The following CCDC178 variants were observed in gnomAD, a reference collection of about 807,000 sequenced individuals.
CCDC178 encodes the protein coiled-coil domain-containing protein 178.
In CCDC178, 126 loss-of-function variants were observed where a neutral mutation model predicts 117.4. That is an observed-to-expected ratio of 1.07 (90% CI 0.93 to 1.24). CCDC178 has a LOEUF of 1.24. Ranked by LOEUF, CCDC178 falls within the 50% of genes most tolerant of loss-of-function variation. The probability of loss-of-function intolerance (pLI) is 0.00; values close to 1 mark genes in which losing one functional copy is unlikely to be tolerated. For synonymous variants in CCDC178, 283 were observed against 313.4 expected (o/e 0.90, Z 1.02); for missense variants, 1,030 against 986.9 (o/e 1.04, Z -0.59).
At chr18:33,401,549 A>G (rs1297376071) in intron 3 of CCDC178, among the ~76,000 whole-genome samples, 1 of 152,162 alleles carries the variant, frequency 6.6e-6, no homozygotes, top group Non-Finnish European at 1.5e-5. Flanking sequence ...CATCAAAACC[A>G]CTCTATCAGT....
At chr18:33,061,671 C>T (rs2056923101) in intron 21 of CCDC178, among the ~76,000 whole-genome samples, 1 of 152,166 alleles carries the variant, frequency 6.6e-6, no homozygotes, top group South Asian at 2.1e-4. Flanking sequence ...TACATCTTCA[C>T]ACATTGGTTT....
intron 2 of CCDC178, among the ~76,000 whole-genome samples, chr18:33,432,166 G>A (rs1357834535): frequency 6.6e-6 from 1 of 152,174 alleles, no homozygotes; most frequent in Admixed American, 6.5e-5. Flanking sequence ...ACACATGGCA[G>A]GAGGGTTTGG....
chr18:33,245,546 T>C (rs2059540273), intron 14 of CCDC178, 118 bp from the exon 15 acceptor site: 2 of 1,091,842 alleles, frequency 1.8e-6, no homozygotes, highest in Non-Finnish European at 2.4e-6. Context: ...AATTGCTGGA[T>C]AATTAGCTAA....
intron 20 of CCDC178, among the ~76,000 whole-genome samples, chr18:33,139,600 C>T (rs1401318389): frequency 6.6e-6 from 1 of 152,038 alleles, no homozygotes; most frequent in Non-Finnish European, 1.5e-5. Context: ...ATTTGTGGAA[C>T]TTTGAACTTG....
chr18:33,281,195 T>A (rs9944978), intron 12 of CCDC178, among the ~76,000 whole-genome samples: 10,352 of 151,868 alleles, frequency 0.068, 542 homozygotes, highest in African/African-American at 0.14. Context: ...ATCAAACGTA[T>A]ACAAAATTAC....
intron 20 of CCDC178, among the ~76,000 whole-genome samples, chr18:33,109,065 A>T (rs951626047): frequency 6.6e-6 from 1 of 151,646 alleles, no homozygotes; most frequent in Non-Finnish European, 1.5e-5. Context: ...AACTGGGTCC[A>T]GCCTGCCCCC....
At chr18:33,124,657 G>A (rs1289143056) in intron 20 of CCDC178, among the ~76,000 whole-genome samples, 1 of 152,022 alleles carries the variant, frequency 6.6e-6, no homozygotes, top group Non-Finnish European at 1.5e-5. Context: ...TTTGACAGTG[G>A]TGATTTACTG....
chr18:33,399,727 C>T (rs1480999340), intron 3 of CCDC178, among the ~76,000 whole-genome samples: 2 of 152,182 alleles, frequency 1.3e-5, no homozygotes, highest in East Asian at 1.9e-4. Context: ...GTAACTTCCT[C>T]CACTGAAGTC....
At chr18:33,004,319 C>T (rs2055706330) in intron 21 of CCDC178, among the ~76,000 whole-genome samples, 2 of 151,972 alleles carry the variant, frequency 1.3e-5, no homozygotes, top group South Asian at 4.1e-4. Context: ...ATAGAGAATC[C>T]AGAAACAAAT....
chr18:32,999,193 C>T (rs1354249885), intron 21 of CCDC178, among the ~76,000 whole-genome samples: 2 of 152,078 alleles, frequency 1.3e-5, no homozygotes, highest in African/African-American at 4.8e-5. Context: ...CTGGCAGTAG[C>T]CAGACAGTAC....
At chr18:33,059,797 T>C (rs1373296903) in intron 21 of CCDC178, among the ~76,000 whole-genome samples, 4 of 152,208 alleles carry the variant, frequency 2.6e-5, no homozygotes, top group Admixed American at 1.3e-4. Context: ...CAAGGGTAAT[T>C]TCTCTAAAAC....
chr18:32,988,123 T>G (rs890620199), intron 21 of CCDC178, among the ~76,000 whole-genome samples: 2 of 136,156 alleles, frequency 1.5e-5, no homozygotes, highest in African/African-American at 5.6e-5. Flanking sequence ...AATAATAAAT[T>G]TATCAAAATT....
intron 21 of CCDC178, among the ~76,000 whole-genome samples, chr18:33,009,283 T>C (rs2055814401): frequency 6.6e-6 from 1 of 152,096 alleles, no homozygotes; most frequent in Non-Finnish European, 1.5e-5. Context: ...AATTAAACCA[T>C]AATTTGGATT....
intron 15 of CCDC178, 64 bp downstream of exon 15, chr18:33,245,181 G>A: frequency 2.3e-6 from 3 of 1,320,104 alleles, no homozygotes; most frequent in East Asian, 2.6e-5. Flanking sequence ...AGATGAAATC[G>A]ATACAATTCA....
At chr18:33,001,294 C>T (rs766050298) in intron 21 of CCDC178, among the ~76,000 whole-genome samples, 9 of 152,066 alleles carry the variant, frequency 5.9e-5, no homozygotes, top group Admixed American at 1.3e-4. Flanking sequence ...CCAAGGCGAG[C>T]GGATCACAAG....
chr18:33,205,785 C>G (rs2059039071), intron 20 of CCDC178, among the ~76,000 whole-genome samples: 1 of 152,222 alleles, frequency 6.6e-6, no homozygotes, highest in Non-Finnish European at 1.5e-5. Flanking sequence ...GCCTCAACCT[C>G]CCGGGCTCAG....
chr18:33,434,742 A>C (rs1407315740), intron 2 of CCDC178, among the ~76,000 whole-genome samples: 1 of 152,172 alleles, frequency 6.6e-6, no homozygotes, highest in Non-Finnish European at 1.5e-5. Flanking sequence ...GCACTTCAGG[A>C]GGGGTGTATA....
chr18:33,262,381 CT>C (rs1248787243), intron 14 of CCDC178, among the ~76,000 whole-genome samples: 3 of 151,898 alleles, frequency 2.0e-5, no homozygotes, highest in Non-Finnish European at 2.9e-5. Flanking sequence ...TCCAACCTTC[CT>C]TTTTTTCATC....
intron 9 of CCDC178, among the ~76,000 whole-genome samples, chr18:33,334,213 C>G (rs2062710460): frequency 6.6e-6 from 1 of 151,982 alleles, no homozygotes; most frequent in Non-Finnish European, 1.5e-5. Flanking sequence ...AACAGAATAT[C>G]TCACAATAGC....
Sources: allele counts gnomAD v4.1 joint callset (sites outside exome capture counted in the v4.1 genomes callset), GRCh38; gene constraint gnomAD v4.1.1; transcripts MANE v1.5; gene names NCBI Gene and HGNC (gene_info 2026-07-23, HGNC 2026-07-21).